Variants in MRE11 observed in about 807,000 individuals in gnomAD.
The protein encoded by MRE11 is MRE11 double strand break repair nuclease.
In MRE11, 62 loss-of-function variants were observed where a neutral mutation model predicts 91.7. The ratio of observed to expected loss-of-function variants is 0.68; its 90% CI spans 0.55 to 0.84. The LOEUF (loss-of-function observed/expected upper bound fraction) is 0.84. Ranked by LOEUF, MRE11 falls within the 40% of genes least tolerant of loss-of-function variation. The pLI, the probability that MRE11 is intolerant of heterozygous loss-of-function variation, is 0.00. For missense variants in MRE11, 796 were observed against 852.9 expected (o/e 0.93, Z 0.83); for synonymous variants, 273 against 271.4 (o/e 1.01, Z -0.06).
rs779269083 is a variant in MRE11, at chr11:94,486,009, C to A, written c.229G>T (p.Glu77Ter). 1.2e-6 allele frequency: 2 copies of A among 1,613,686 alleles called. No homozygotes were observed. Among genetic ancestry groups the A allele is most frequent in the Non-Finnish European group, 1.7e-6 (2 of 1,179,874 alleles). ...PSRKTLHTCL[E>*]LLRKYCMGDR... ...CCCATACAATATTTTCTTAATAACT[C>A]GAGGCAGGTATGTAATGTTTTCCTT... The change falls in exon 4 of 20, where the codon GAG becomes TAG. Residue 77 changes from glutamate (E) to a stop codon, truncating the protein, a stop_gained. Transcript: ENST00000323929. LOFTEE classifies it high-confidence loss of function.
chr11:94,461,005 T>C lies in MRE11; in HGVS notation c.1257A>G (p.Thr419=). ...TTAAAGTTGTTCCTTCTGAAGGCTT[T>C]GTGATAAGTTTCCCAAAGTTGATCT... ...GEEINFGKLI[T]KPSEGTTLRV... is the part of the protein sequence containing the mutation. Residue 419 remains threonine (T), a synonymous_variant, in exon 12 of 20, where the codon ACA becomes ACG. Transcript: ENST00000323929. 1.2e-6 allele frequency: 2 copies of C among 1,613,694 alleles called. No individual in the cohort carries two copies. Among genetic ancestry groups the C allele is most frequent in the East Asian group, 2.2e-5 (1 of 44,856 alleles).
chr11:94,482,295 C>T (rs1156430908), intron 4 of MRE11, among the ~76,000 whole-genome samples: 2 of 152,166 alleles, frequency 1.3e-5, no homozygotes, highest in Non-Finnish European at 2.9e-5. Flanking sequence ...AAGTGACTAA[C>T]ATAATTTTAC....
chr11:94,441,727 A>AG (rs1945782968), intron 16 of MRE11, among the ~76,000 whole-genome samples: 1 of 152,196 alleles, frequency 6.6e-6, no homozygotes, highest in Non-Finnish European at 1.5e-5. Flanking sequence ...CTGTAATCCC[A>AG]GCACTTTGGG....
chr11:94,429,894 C>T lies in MRE11; in HGVS notation c.2070+17G>A, dbSNP rs1945416549. On this transcript the variant is annotated intron_variant, in intron 19 of 19. Coordinates refer to ENST00000323929, the MANE Select transcript of MRE11 (RefSeq NM_005591.4). ...AAGTTAAAAATTAATTAAAATTTAA[C>T]AATATTACTTATTTACCTCACTTGA... 2 of 1,589,066 alleles carry T rather than the reference C, an allele frequency of 1.3e-6. No individual in the cohort carries two copies. Among genetic ancestry groups the T allele is most frequent in the East Asian group, 2.3e-5 (1 of 43,932 alleles).
chr11:94,437,961 C>T (rs182141570), intron 16 of MRE11, among the ~76,000 whole-genome samples: 4 of 151,896 alleles, frequency 2.6e-5, no homozygotes, highest in African/African-American at 9.7e-5. Context: ...CCCAACTCTA[C>T]TAAAAAATAT....
chr11:94,492,550 T>C (rs560139392), intron 2 of MRE11: 2 of 702,010 alleles, frequency 2.8e-6, no homozygotes, highest in Non-Finnish European at 4.8e-6. Context: ...CAATACTATA[T>C]CAATATATCA....
chr11:94,445,003 A>G (rs968332784), intron 16 of MRE11, among the ~76,000 whole-genome samples: 1 of 152,154 alleles, frequency 6.6e-6, no homozygotes, highest in Non-Finnish European at 1.5e-5. Context: ...CTCATCATCT[A>G]TAATATTAAA....
intron 10 of MRE11, among the ~76,000 whole-genome samples, chr11:94,464,961 CTCA>C (rs13447647): frequency 0.038 from 5,739 of 152,296 alleles, 156 homozygotes; most frequent in Middle Eastern, 0.092. Context: ...CCCACTTTCA[CTCA>C]TCATCACTAT....
intron 19 of MRE11, among the ~76,000 whole-genome samples, chr11:94,428,989 A>G (rs928044733): frequency 3.3e-5 from 5 of 152,366 alleles, no homozygotes; most frequent in African/African-American, 1.2e-4. Context: ...ATGTAAATAA[A>G]TCAGTAAGGA....
At chr11:94,448,316 C>A (rs1946000646) in intron 14 of MRE11, among the ~76,000 whole-genome samples, 1 of 152,054 alleles carries the variant, frequency 6.6e-6, no homozygotes, top group African/African-American at 2.4e-5. Flanking sequence ...GTGGCTCACA[C>A]CTGTAATCCC....
At chr11:94,424,063 G>C (rs1340332065) in intron 19 of MRE11, among the ~76,000 whole-genome samples, 2 of 152,138 alleles carry the variant, frequency 1.3e-5, no homozygotes, top group African/African-American at 4.8e-5. Context: ...AGTGATAGGA[G>C]GGACCTCACC....
rs753131403 is a variant in MRE11, at chr11:94,456,346, A to C, written c.1501-8T>G. The C allele has an allele frequency of 2.5e-6, 4 of 1,607,508 alleles. No individual in the cohort carries two copies. Among genetic ancestry groups the C allele is most frequent in the Non-Finnish European group, 3.4e-6 (4 of 1,174,454 alleles). On this transcript the variant is annotated splice_polypyrimidine_tract_variant and splice_region_variant and intron_variant, in intron 13 of 19. Coordinates refer to ENST00000323929, the MANE Select transcript of MRE11 (RefSeq NM_005591.4). ...TTCTCTGAAACGACGTACCTAGATC[A>C]TAACAGAGTAAATCACAAACATGTT... is the stretch of plus-strand genomic sequence containing the variant.
At chr11:94,449,311 C>T (rs1225788523) in intron 14 of MRE11, among the ~76,000 whole-genome samples, 1 of 152,162 alleles carries the variant, frequency 6.6e-6, no homozygotes, top group Non-Finnish European at 1.5e-5. Context: ...TCAGGAAATA[C>T]AACAAAAAAT....
At chr11:94,481,274 T>C (rs1364631076) in intron 4 of MRE11, among the ~76,000 whole-genome samples, 3 of 151,692 alleles carry the variant, frequency 2.0e-5, no homozygotes, top group African/African-American at 7.3e-5. Flanking sequence ...GCGCCACTGC[T>C]CTCCAACCTG....
chr11:94,459,613 AG>A, intron 12 of MRE11, 32 bp from the exon 13 acceptor site: 2 of 1,605,238 alleles, frequency 1.2e-6, no homozygotes, highest in Non-Finnish European at 1.7e-6. Flanking sequence ...ATGCAGAAAT[AG>A]TTTTTATTCC....
chr11:94,445,925 C>A (rs754702417), intron 15 of MRE11, 32 bp from the exon 16 acceptor site: 1 of 1,469,016 alleles, frequency 6.8e-7, no homozygotes, highest in African/African-American at 1.4e-5. Context: ...AATGTACAAG[C>A]CTATCAGCAG....
In MRE11 at chr11:94,442,520, C is replaced by T. The variant is rs1471407569; in HGVS notation, c.1867+3290G>A. ...TAAAACAAGACAGGACAAAAAAAGACGATTTGGGCTAAGGTAAAGGTGGGT... is the reference window on the plus strand; with the variant it reads ...TAAAACAAGACAGGACAAAAAAAGATGATTTGGGCTAAGGTAAAGGTGGGT... On this transcript the variant is annotated intron_variant, in intron 16 of 19. Transcript: ENST00000323929. Among the ~76,000 whole-genome samples the T allele has an allele frequency of 3.9e-5, 6 of 152,036 alleles. No individual in the cohort carries two copies. The East Asian group carries it at 7.7e-4, about 20-fold the overall frequency.
intron 14 of MRE11, among the ~76,000 whole-genome samples, chr11:94,452,161 C>T (rs530206878): frequency 1.2e-4 from 18 of 144,352 alleles, no homozygotes; most frequent in African/African-American, 4.4e-4. Context: ...CACACCACTG[C>T]ACTCCAGCCT....
intron 14 of MRE11, among the ~76,000 whole-genome samples, chr11:94,452,056 A>G (rs1379533329): frequency 6.6e-6 from 1 of 152,082 alleles, no homozygotes; most frequent in Admixed American, 6.6e-5. Flanking sequence ...AAATACAAAA[A>G]TTAGCTGGGC....
Sources: gnomAD v4.1 joint callset for allele counts (sites outside exome capture counted in the v4.1 genomes callset) on GRCh38, gnomAD v4.1.1 for gene constraint, MANE v1.5 for transcripts, NCBI Gene and HGNC (gene_info 2026-07-23, HGNC 2026-07-21) for gene names.